DNHD1: variants seen among roughly 807,000 people sequenced by gnomAD.
DNHD1 encodes dynein heavy chain domain 1, also known as dynein heavy chain domain-containing protein 1.
A neutral mutation model predicts 458.1 loss-of-function variants in DNHD1; 383 were observed. That is an observed-to-expected ratio of 0.84 (90% CI 0.77 to 0.91). DNHD1 has a LOEUF of 0.91. Among genes scored for constraint, DNHD1 ranks in the 40% least tolerant of loss-of-function variants. The probability of loss-of-function intolerance (pLI) is 0.00; values close to 1 mark genes in which losing one functional copy is unlikely to be tolerated. For synonymous variants in DNHD1, 2,203 were observed against 2,376.9 expected, an observed-to-expected ratio of 0.93 and a Z score of 2.13; for missense variants, 5,336 against 5,866.1, an observed-to-expected ratio of 0.91 and a Z score of 2.95.
rs201927350 is a variant in DNHD1 at position 6,498,899 on chromosome 11, A to G, written c.684A>G (p.Val228=). The part of the protein sequence containing the change: ...LPLALAADIP[V]RYESSDTDNA... ...TGGCACTGGCAGCGGACATCCCTGT[A>G]CGGTATGAAAGCAGTGACACTGACA... Residue 228 remains valine (V), a synonymous_variant, in exon 3 of 43, where the codon GTA becomes GTG. Transcript: ENST00000254579. 41 of 1,613,918 alleles carry G rather than the reference A, an allele frequency of 2.5e-5. No homozygotes were observed. Among genetic ancestry groups the G allele is most frequent in the Non-Finnish European group, 3.4e-5 (40 of 1,179,928 alleles).
intron 7 of DNHD1, among the ~76,000 whole-genome samples, chr11:6,517,528 A>G (rs562267826): frequency 3.3e-5 from 5 of 152,278 alleles, no homozygotes; most frequent in African/African-American, 4.8e-5. Flanking sequence ...ATACAATGAA[A>G]TATTATTCAG....
rs1564819829 is a variant in DNHD1 at position 6,556,693 on chromosome 11, GAGCTGCC to G, written c.7402_7408del (p.Cys2468GlnfsTer61). On this transcript the variant is annotated frameshift_variant, in exon 25 of 43. Coordinates refer to ENST00000254579, the MANE Select transcript of DNHD1 (RefSeq NM_144666.3). LOFTEE classifies it high-confidence loss of function. The stretch of plus-strand genomic sequence containing the variant: ...CCTCATGTCCCATAGACCCAGAGAA[GAGCTGCC>G]AGCCAGTGTTGGAGACTCTGCGCCA... 1.3e-6 allele frequency: 2 copies of G among 1,542,550 alleles called. No individual in the cohort carries two copies. The highest frequency in any genetic ancestry group is 2.0e-5 in the Admixed American group (1 of 50,778).
In DNHD1 at chr11:6,548,047, A is replaced by G. The variant is rs906381203; in HGVS notation, c.6905+7A>G. 15 of 1,551,536 alleles carry G rather than the reference A, an allele frequency of 9.7e-6. No individual in the cohort carries two copies. Among genetic ancestry groups the G allele is most frequent in the Non-Finnish European group, 1.3e-5 (15 of 1,146,978 alleles). ...GAGCCCACCTTCCCTCCAGGTACCT[A>G]CCAGGATGGGGGATGGGAGATGCAG... On this transcript the variant is annotated splice_region_variant and intron_variant, in intron 22 of 42. Transcript: ENST00000254579. The surrounding 1 kb of genome is among the most constrained non-coding windows in gnomAD (Gnocchi z 4.4).
At chr11:6,500,885 A>G (rs1201842477) in intron 3 of DNHD1, among the ~76,000 whole-genome samples, 1 of 152,186 alleles carries the variant, frequency 6.6e-6, no homozygotes, top group East Asian at 1.9e-4. Context: ...GTAAAATATA[A>G]TTACAAATTG....
chr11:6,535,914 A>G (rs7934418), intron 14 of DNHD1, among the ~76,000 whole-genome samples: 168 of 152,294 alleles, frequency 1.1e-3, no homozygotes, highest in African/African-American at 3.6e-3. Flanking sequence ...GTTGTAAAAA[A>G]AAAGAAAGAA....
intron 18 of DNHD1, among the ~76,000 whole-genome samples, chr11:6,543,861 T>G (rs1288186450): frequency 6.9e-6 from 1 of 144,176 alleles, no homozygotes; most frequent in African/African-American, 2.6e-5. Flanking sequence ...CTCAGGAGGC[T>G]GAGGCAGGTG....
chr11:6,552,640 A>C (rs951364216), intron 24 of DNHD1, among the ~76,000 whole-genome samples: 4 of 151,728 alleles, frequency 2.6e-5, no homozygotes, highest in Non-Finnish European at 4.4e-5. Flanking sequence ...CACATCTTAC[A>C]TAGCAGTTGG....
chr11:6,551,709 A>G lies in DNHD1; in HGVS notation c.7387+2776A>G, dbSNP rs143745982. Among the ~76,000 whole-genome samples the G allele has an allele frequency of 5.2e-3, 788 of 151,940 alleles. 7 individuals carry two copies. Among genetic ancestry groups the G allele is most frequent in the African/African-American group, 0.016 (650 of 41,468 alleles). On this transcript the variant is annotated intron_variant, in intron 24 of 42. Coordinates refer to ENST00000254579, the MANE Select transcript of DNHD1 (RefSeq NM_144666.3). Reference sequence around the variant, plus strand: ...TGTAATCCCGGCACTTTGGGAGGCCAAGGAGGGCAGATCACGAGGTCAGGA... The same window carrying G: ...TGTAATCCCGGCACTTTGGGAGGCCGAGGAGGGCAGATCACGAGGTCAGGA...
intron 7 of DNHD1, among the ~76,000 whole-genome samples, chr11:6,512,463 C>T (rs1852364789): frequency 1.3e-5 from 2 of 151,920 alleles, no homozygotes; most frequent in South Asian, 4.2e-4. Context: ...ACCTTGTGAT[C>T]CGCCCACCTC....
At chr11:6,504,929 C>T (rs1264881261) in intron 4 of DNHD1, among the ~76,000 whole-genome samples, 1 of 152,208 alleles carries the variant, frequency 6.6e-6, no homozygotes, top group Non-Finnish European at 1.5e-5. Context: ...CTTCTGGGCT[C>T]AAGTGATCCT....
chr11:6,570,493 T>C, intron 41 of DNHD1, 97 bp downstream of exon 41: 1 of 1,487,178 alleles, frequency 6.7e-7, no homozygotes. Flanking sequence ...TAAAGGTATA[T>C]GAGGGGGTAA....
chr11:6,509,260 T>C lies in DNHD1; in HGVS notation c.1223T>C (p.Leu408Pro). ...LAVPHFGAGLLHISRLLQELH... is the reference protein window; with the variant it reads ...LAVPHFGAGLPHISRLLQELH... ...GTGCCCCACTTTGGAGCTGGGCTACTCCATATTAGCAGGTGAGGTATTAAA... is the reference window on the plus strand; with the variant it reads ...GTGCCCCACTTTGGAGCTGGGCTACCCCATATTAGCAGGTGAGGTATTAAA... Residue 408 changes from leucine (L) to proline (P), a missense_variant, in exon 6 of 43, where the codon CTC (leucine) becomes CCC (proline). Coordinates refer to ENST00000254579, the MANE Select transcript of DNHD1 (RefSeq NM_144666.3). 1.2e-6 allele frequency: 2 copies of C among 1,613,576 alleles called. No individual in the cohort carries two copies. The highest frequency in any genetic ancestry group is 4.5e-5 in the East Asian group (2 of 44,890).
intron 24 of DNHD1, among the ~76,000 whole-genome samples, chr11:6,555,146 C>G (rs1277692180): frequency 6.6e-6 from 1 of 152,138 alleles, no homozygotes; most frequent in Admixed American, 6.5e-5. Context: ...ACACCCTATT[C>G]CCTTACATAT....
At position 6,528,970 on chromosome 11, in the gene DNHD1, G is replaced by A; in HGVS notation, c.2196G>A (p.Leu732=). 1 of 1,551,658 alleles carries A rather than the reference G, an allele frequency of 6.4e-7. No homozygotes were observed. The highest frequency in any genetic ancestry group is 1.4e-5 in the African/African-American group (1 of 73,182). ...EFLQSWGPQK[L]EDMRGGPIKN... The stretch of plus-strand genomic sequence containing the variant: ...TGCAATCCTGGGGGCCTCAGAAGCT[G>A]GAAGACATGAGAGGTGGTCCCATCA... The change falls in exon 12 of 43, where the codon CTG becomes CTA. Residue 732 remains leucine, a synonymous_variant. Coordinates refer to ENST00000254579, the MANE Select transcript of DNHD1 (RefSeq NM_144666.3).
Position 6,512,211 on chromosome 11 carries a change from C to CTTT in DNHD1, c.1392+807_1392+809dup, listed in dbSNP as rs11287049. ...CAAGGAATTTCTTTTCTTTTTCTTT[C>CTTT]TTTTTTTTTTTTTTTTTTTTTTTTT... On this transcript the variant is annotated intron_variant, in intron 7 of 42. Transcript: ENST00000254579. Among the ~76,000 whole-genome samples the CTTT allele has an allele frequency of 3.1e-3, 288 of 91,614 alleles. 23 individuals are homozygous for CTTT. The highest frequency in any genetic ancestry group is 0.011 in the African/African-American group (239 of 21,340). 60.1% of individuals were successfully genotyped at this position (91,614 alleles called of 152,430 possible).
intron 3 of DNHD1, 131 bp downstream of exon 3, chr11:6,499,092 A>T: frequency 4.7e-6 from 5 of 1,056,082 alleles, no homozygotes; most frequent in Non-Finnish European, 6.6e-6. Flanking sequence ...ACTCCACACA[A>T]AGCTAGTGTG....
At position 6,539,325 on chromosome 11, in the gene DNHD1, A is replaced by T; in HGVS notation, c.3420+12A>T. 6.5e-7 allele frequency: 1 copy of T among 1,543,468 alleles called. No individual in the cohort carries two copies. Among genetic ancestry groups the T allele is most frequent in the Non-Finnish European group, 8.8e-7 (1 of 1,139,688 alleles). On this transcript the variant is annotated intron_variant, in intron 17 of 42. Coordinates refer to ENST00000254579, the MANE Select transcript of DNHD1 (RefSeq NM_144666.3). ...ATCGAATCAACCAGGTGGGGCCCTC[A>T]GTACAGGGGCGAGGGAGGTGGTCCA...
Position 6,509,210 on chromosome 11 carries a change from C to G in DNHD1, c.1173C>G (p.Phe391Leu), listed in dbSNP as rs747540896. The G allele has an allele frequency of 3.1e-6, 5 of 1,614,164 alleles. No individual in the cohort carries two copies. Among genetic ancestry groups the G allele is most frequent in the African/African-American group, 1.3e-5 (1 of 75,036 alleles). Residue 391 changes from phenylalanine to leucine, a missense_variant, in exon 6 of 43, where the codon TTC (phenylalanine) becomes TTG (leucine). Coordinates refer to ENST00000254579, the MANE Select transcript of DNHD1 (RefSeq NM_144666.3). ...RLQGLHRLQKFLENHLLLAVP... is the reference protein window; with the variant it reads ...RLQGLHRLQKLLENHLLLAVP... ...AGGGGCTGCATCGACTCCAGAAATTCCTAGAGAATCATCTGCTCTTGGCTG... is the reference window on the plus strand; with the variant it reads ...AGGGGCTGCATCGACTCCAGAAATTGCTAGAGAATCATCTGCTCTTGGCTG...
chr11:6,558,813 A>G lies in DNHD1; in HGVS notation c.9212-89A>G, dbSNP rs967181723. The G allele has an allele frequency of 5.3e-6, 8 of 1,509,324 alleles. No homozygotes were observed. In the East Asian group the frequency reaches 1.2e-4, roughly 23 times the overall value. 93.5% of individuals were successfully genotyped at this position (1,509,324 alleles called of 1,614,324 possible). ...CTACAGAGCCCCCTTCACATTTCCT[A>G]CCCTTCTTCCTGAGCTAGGAGAGGA... is the stretch of plus-strand genomic sequence containing the variant. On this transcript the variant is annotated intron_variant, in intron 26 of 42. Transcript: ENST00000254579.
Sources: gnomAD v4.1 joint callset for allele counts (sites outside exome capture counted in the v4.1 genomes callset) on GRCh38, gnomAD v4.1.1 for gene constraint, Gnocchi (gnomAD v3.1) non-coding constraint, MANE v1.5 for transcripts, NCBI Gene and HGNC (gene_info 2026-07-23, HGNC 2026-07-21) for gene names.